ZBTB16: variants seen among roughly 807,000 people sequenced by gnomAD.
ZBTB16 encodes zinc finger and BTB domain-containing protein 16.
Under a neutral mutation model 56.8 loss-of-function variants are expected in ZBTB16, and 8 were observed. The ratio of observed to expected loss-of-function variants is 0.14; its 90% CI spans 0.08 to 0.25. ZBTB16 has a LOEUF of 0.25. Among genes scored for constraint, ZBTB16 ranks in the 10% least tolerant of loss-of-function variants. The pLI, the probability that ZBTB16 is intolerant of heterozygous loss-of-function variation, is 1.00. For synonymous variants in ZBTB16, 363 were observed against 368.5 expected, an observed-to-expected ratio of 0.98 and a Z score of 0.17; for missense variants, 625 against 903.0, an observed-to-expected ratio of 0.69 and a Z score of 3.95.
At chr11:114,140,393 G>C (rs2134892511) in intron 2 of ZBTB16, among the ~76,000 whole-genome samples, 1 of 152,314 alleles carries the variant, frequency 6.6e-6, no homozygotes, top group Non-Finnish European at 1.5e-5. Context: ...AGCTTTAGGA[G>C]GGTAGGTTGG....
intron 1 of ZBTB16, among the ~76,000 whole-genome samples, chr11:114,062,126 G>A (rs1177206500): frequency 1.3e-5 from 2 of 148,820 alleles, no homozygotes; most frequent in Admixed American, 6.7e-5. Context: ...TTTCTGAGAC[G>A]GAGTTTTGCT....
At chr11:114,164,064 GGAGGACGATTGC>G (rs1942673905) in intron 3 of ZBTB16, among the ~76,000 whole-genome samples, 1 of 152,160 alleles carries the variant, frequency 6.6e-6, no homozygotes, top group East Asian at 1.9e-4. Context: ...GTGTTTTGAT[GGAGGACGATTGC>G]GGCAGTGTCT....
intron 4 of ZBTB16, among the ~76,000 whole-genome samples, chr11:114,225,362 G>T (rs1042157668): frequency 2.0e-5 from 3 of 152,158 alleles, no homozygotes; most frequent in African/African-American, 7.2e-5. Flanking sequence ...GCAGCTCATG[G>T]TACCTGTCTT....
intron 4 of ZBTB16, chr11:114,210,602 A>G: frequency 4.4e-6 from 1 of 228,386 alleles, no homozygotes; most frequent in Admixed American, 5.7e-5. Flanking sequence ...CATTATCAAA[A>G]TTATTTACCA....
rs1334124476 is a variant in ZBTB16, at chr11:114,252,955, A to G, written c.*2400A>G. Reference sequence around the variant, plus strand: ...TATTTTGCAACTATAGTAACGACTTAGTGTTTTGGAAAGGAAAAGAAGTTA... The same window carrying G: ...TATTTTGCAACTATAGTAACGACTTGGTGTTTTGGAAAGGAAAAGAAGTTA... On this transcript the variant is annotated 3_prime_UTR_variant, in exon 7 of 7. Coordinates refer to ENST00000335953, the MANE Select transcript of ZBTB16 (RefSeq NM_006006.6). 6.6e-6 allele frequency among the ~76,000 whole-genome samples: 1 copy of G among 152,162 alleles called. No homozygotes were observed. Among genetic ancestry groups the G allele is most frequent in the Non-Finnish European group, 1.5e-5 (1 of 68,040 alleles).
chr11:114,244,863 G>A (rs568671838), intron 5 of ZBTB16, among the ~76,000 whole-genome samples: 4 of 150,972 alleles, frequency 2.6e-5, no homozygotes, highest in Non-Finnish European at 4.4e-5. Context: ...CCCCACCGCC[G>A]CCTTCACCCC....
At chr11:114,109,758 C>A (rs962735517) in intron 2 of ZBTB16, among the ~76,000 whole-genome samples, 2 of 152,122 alleles carry the variant, frequency 1.3e-5, no homozygotes, top group African/African-American at 4.8e-5. Flanking sequence ...TTCCAGCAGT[C>A]CTGACAGAAA....
chr11:114,215,582 C>G (rs1022322806), intron 4 of ZBTB16, among the ~76,000 whole-genome samples: 1 of 152,194 alleles, frequency 6.6e-6, no homozygotes, highest in Non-Finnish European at 1.5e-5. Flanking sequence ...CTTTACCCTA[C>G]AACGAGAGGT....
intron 2 of ZBTB16, among the ~76,000 whole-genome samples, chr11:114,078,129 A>G (rs2137689280): frequency 6.6e-6 from 1 of 152,300 alleles, no homozygotes; most frequent in African/African-American, 2.4e-5. Context: ...CACATACAAC[A>G]GCTGCATTTA....
chr11:114,163,130 C>A (rs1942638426), intron 3 of ZBTB16, among the ~76,000 whole-genome samples: 1 of 152,242 alleles, frequency 6.6e-6, no homozygotes, highest in Non-Finnish European at 1.5e-5. Flanking sequence ...ATAAATTATA[C>A]ACTGGCTGAT....
intron 3 of ZBTB16, among the ~76,000 whole-genome samples, chr11:114,162,212 G>C (rs912831448): frequency 3.3e-5 from 5 of 152,250 alleles, no homozygotes; most frequent in African/African-American, 1.2e-4. Flanking sequence ...GGATCTCTTA[G>C]GCTTTCCTCT....
chr11:114,096,758 C>G (rs548618433), intron 2 of ZBTB16, among the ~76,000 whole-genome samples: 19 of 152,308 alleles, frequency 1.2e-4, no homozygotes, highest in Non-Finnish European at 2.6e-4. Flanking sequence ...CGACTGTGTA[C>G]CCTTGCGTGG....
intron 2 of ZBTB16, among the ~76,000 whole-genome samples, chr11:114,069,748 CA>C (rs1431201187): frequency 6.6e-6 from 1 of 152,174 alleles, no homozygotes; most frequent in East Asian, 1.9e-4. Context: ...TAATGATAGC[CA>C]CAGCAATGAT....
intron 2 of ZBTB16, among the ~76,000 whole-genome samples, chr11:114,076,018 G>T (rs564577890): frequency 2.7e-4 from 41 of 152,212 alleles, no homozygotes; most frequent in Non-Finnish European, 5.4e-4. Context: ...TTTGTGAGTT[G>T]TCTGGCAAAT....
intron 2 of ZBTB16, among the ~76,000 whole-genome samples, chr11:114,147,155 A>C (rs1234613216): frequency 3.3e-5 from 5 of 152,344 alleles, no homozygotes; most frequent in African/African-American, 1.2e-4. Context: ...TACATTAAAA[A>C]GGTTTTCAGA....
chr11:114,163,164 C>A lies in ZBTB16; in HGVS notation c.1366+6730C>A, dbSNP rs867799726. 1.8e-3 allele frequency among the ~76,000 whole-genome samples: 271 copies of A among 152,000 alleles called. 1 individual carries two copies. Among genetic ancestry groups the A allele is most frequent in the African/African-American group, 5.6e-3 (231 of 41,386 alleles). On this transcript the variant is annotated intron_variant, in intron 3 of 6. Transcript: ENST00000335953. ...ATGAAAAATACATTTCTTTCCTCTC[C>A]CCTTTTACTCTCCCCCCAACCCGTC...
rs1179552479 is a variant in ZBTB16 at position 114,256,026 on chromosome 11, T to TG, written c.*5471_*5472insG. On this transcript the variant is annotated 3_prime_UTR_variant, in exon 7 of 7. Transcript: ENST00000335953. ...TGAAGTACTTGGTTTTGTTTTGTTTTTTTTTTTTGTTTTTTTTGCCTTTTC... is the reference window on the plus strand; with the variant it reads ...TGAAGTACTTGGTTTTGTTTTGTTTTGTTTTTTTTGTTTTTTTTGCCTTTTC... Among the ~76,000 whole-genome samples the TG allele has an allele frequency of 1.5e-4, 18 of 118,614 alleles. No homozygotes were observed. The highest frequency in any genetic ancestry group is 3.8e-4 in the African/African-American group (13 of 33,952). The allele number at this position is 118,614 out of a possible 152,430, so 77.8% of individuals were successfully genotyped here.
At chr11:114,154,254 C>T (rs145118669) in intron 2 of ZBTB16, among the ~76,000 whole-genome samples, 161 of 152,296 alleles carry the variant, frequency 1.1e-3, no homozygotes, top group African/African-American at 3.7e-3. Flanking sequence ...GGTGTTCGTC[C>T]TCCTATTCCT....
intron 4 of ZBTB16, among the ~76,000 whole-genome samples, chr11:114,235,651 T>TTTC (rs1944555049): frequency 4.4e-5 from 1 of 22,828 alleles, no homozygotes; most frequent in African/African-American, 1.1e-4. Context: ...TCTTTCTTTC[T>TTTC]TTCTTTCTTT....
Sources: gnomAD v4.1 joint callset for allele counts (sites outside exome capture counted in the v4.1 genomes callset) on GRCh38, gnomAD v4.1.1 for gene constraint, MANE v1.5 for transcripts, NCBI Gene and HGNC (gene_info 2026-07-23, HGNC 2026-07-21) for gene names.